PYGO1: variants seen among roughly 807,000 people sequenced by gnomAD.
The protein encoded by PYGO1 is pygopus homolog 1.
In PYGO1, 6 loss-of-function variants were observed where a neutral mutation model predicts 29.5. The observed-to-expected ratio is 0.20, with a 90% confidence interval of 0.11 to 0.40. The LOEUF (loss-of-function observed/expected upper bound fraction) is 0.40. PYGO1 is among the 10% of genes least tolerant of loss of function. The pLI is 1.00. For synonymous variants in PYGO1, 186 were observed against 180.5 expected (o/e 1.03, Z -0.24); for missense variants, 515 against 514.9 (o/e 1.00, Z 0.00).
chr15:55,562,481 G>A (rs919898410), intron 1 of PYGO1, among the ~76,000 whole-genome samples: 2 of 152,092 alleles, frequency 1.3e-5, no homozygotes, highest in African/African-American at 4.8e-5. Flanking sequence ...AGACCAACCT[G>A]GCCAACATGG....
chr15:55,549,263 C>T (rs1375182807), intron 1 of PYGO1, among the ~76,000 whole-genome samples: 2 of 152,124 alleles, frequency 1.3e-5, no homozygotes, highest in African/African-American at 4.8e-5. Flanking sequence ...AACTGGTTCC[C>T]TGTCTCAGAG....
intron 1 of PYGO1, among the ~76,000 whole-genome samples, chr15:55,562,705 G>A (rs1431191202): frequency 6.6e-6 from 1 of 151,608 alleles, no homozygotes; most frequent in Non-Finnish European, 1.5e-5. Flanking sequence ...CATATGTTCA[G>A]TGCAGCACTA....
At chr15:55,587,335 C>A (rs573036386) in intron 1 of PYGO1, among the ~76,000 whole-genome samples, 78 of 150,760 alleles carry the variant, frequency 5.2e-4, no homozygotes, top group African/African-American at 1.8e-3. Context: ...CCTCTTAAAC[C>A]TACGGAAAAT....
intron 1 of PYGO1, among the ~76,000 whole-genome samples, chr15:55,566,788 T>C (rs1040619327): frequency 6.6e-6 from 1 of 152,206 alleles, no homozygotes; most frequent in Non-Finnish European, 1.5e-5. Context: ...TGGAGTGCAG[T>C]GGCGTGATCA....
chr15:55,573,465 T>C (rs901941476), intron 1 of PYGO1, among the ~76,000 whole-genome samples: 2 of 152,190 alleles, frequency 1.3e-5, no homozygotes, highest in Admixed American at 6.6e-5. Flanking sequence ...AACTACTTTA[T>C]GATCCAGTAA....
chr15:55,540,252 AGAG>A lies in PYGO1; in HGVS notation c.*5768_*5770del, dbSNP rs1389352704. On this transcript the variant is annotated 3_prime_UTR_variant, in exon 3 of 3. Transcript: ENST00000563719. ...AATGGCTAAAAATTCCAGGTAAATT[AGAG>A]GAGTCTTACGGTATCTTAATCATGT... The A allele has an allele frequency of 6.6e-6, 1 of 152,086 alleles. No individual in the cohort carries two copies. Among genetic ancestry groups the A allele is most frequent in the Admixed American group, 6.5e-5 (1 of 15,270 alleles). The allele number at this position is 152,086 out of a possible 1,614,324, so 9.4% of individuals were successfully genotyped here. A position where few individuals can be genotyped will look rare whatever the true frequency, so the allele number is the denominator to read the frequency against.
intron 1 of PYGO1, among the ~76,000 whole-genome samples, chr15:55,561,508 A>C (rs1228793813): frequency 6.6e-6 from 1 of 152,178 alleles, no homozygotes; most frequent in Non-Finnish European, 1.5e-5. Flanking sequence ...GGAACTTGCC[A>C]AACACTTATA....
Position 55,545,874 on chromosome 15 carries a change from T to G in PYGO1, c.*149A>C. On this transcript the variant is annotated 3_prime_UTR_variant, in exon 3 of 3. Transcript: ENST00000563719. ...ACAGCAAGCAAAGACAATAAAAAAT[T>G]TGCTCTAGTGATGAAGTGATTAATA... 2 of 797,778 alleles carry G rather than the reference T, an allele frequency of 2.5e-6. No homozygotes were observed. The highest frequency in any genetic ancestry group is 3.8e-6 in the Non-Finnish European group (2 of 532,736). 49.4% of individuals were successfully genotyped at this position (797,778 alleles called of 1,614,324 possible). A position where few individuals can be genotyped will look rare whatever the true frequency, so the allele number is the denominator to read the frequency against.
chr15:55,539,642 G>C lies in PYGO1; in HGVS notation c.*6381C>G, dbSNP rs1179349628. The stretch of plus-strand genomic sequence containing the variant: ...TACTAAATTTTTAACATAAAATATA[G>C]AACTATGAAAATTTTGGGCATTCAA... On this transcript the variant is annotated 3_prime_UTR_variant, in exon 3 of 3. Transcript: ENST00000563719. 6.6e-6 allele frequency: 1 copy of C among 151,882 alleles called. No homozygotes were observed. The highest frequency in any genetic ancestry group is 1.5e-5 in the Non-Finnish European group (1 of 67,880). The allele number at this position is 151,882 out of a possible 1,614,324, so 9.4% of individuals were successfully genotyped here.
intron 1 of PYGO1, among the ~76,000 whole-genome samples, chr15:55,579,611 G>A (rs2059017754): frequency 6.6e-6 from 1 of 152,032 alleles, no homozygotes; most frequent in African/African-American, 2.4e-5. Context: ...GAATTCCTGG[G>A]TTCAAGCAAT....
At chr15:55,567,304 C>A (rs1001784141) in intron 1 of PYGO1, among the ~76,000 whole-genome samples, 1 of 138,892 alleles carries the variant, frequency 7.2e-6, no homozygotes, top group Non-Finnish European at 1.5e-5. Context: ...AACTCCTGGG[C>A]TCAAGAGATT....
At position 55,586,112 on chromosome 15, in the gene PYGO1, C is replaced by T. The variant is rs551904229; in HGVS notation, c.49+1723G>A. Among the ~76,000 whole-genome samples the T allele has an allele frequency of 2.0e-5, 3 of 152,286 alleles. No homozygotes were observed. The East Asian group carries it at 5.8e-4, about 29-fold the overall frequency. On this transcript the variant is annotated intron_variant, in intron 1 of 2. Transcript: ENST00000563719. ...GTTCTATACATGTTTAATTTCTAGT[C>T]ACATTGAACAAAAACAAAAATGAAT...
chr15:55,573,840 A>T (rs1206504262), intron 1 of PYGO1, among the ~76,000 whole-genome samples: 1 of 152,226 alleles, frequency 6.6e-6, no homozygotes, highest in African/African-American at 2.4e-5. Context: ...TTCTTACAAT[A>T]AAGTAGGCTA....
intron 1 of PYGO1, among the ~76,000 whole-genome samples, chr15:55,576,566 T>C (rs1319409405): frequency 1.4e-5 from 2 of 145,576 alleles, no homozygotes; most frequent in African/African-American, 2.6e-5. Flanking sequence ...AGGTCAGGAG[T>C]TTCAGACCAG....
rs2058824265 is a variant in PYGO1, at chr15:55,540,492, T to C, written c.*5531A>G. 6.6e-6 allele frequency: 1 copy of C among 152,110 alleles called. No homozygotes were observed. Among genetic ancestry groups the C allele is most frequent in the African/African-American group, 2.4e-5 (1 of 41,446 alleles). The allele number at this position is 152,110 out of a possible 1,614,324, so 9.4% of individuals were successfully genotyped here. On this transcript the variant is annotated 3_prime_UTR_variant, in exon 3 of 3. Coordinates refer to ENST00000563719, the MANE Select transcript of PYGO1 (RefSeq NM_001367806.1). ...TGGAAAATAAAAATTTTAAGATTTA[T>C]TGTATTACAAGTGTCATGAGTTGGT...
chr15:55,573,081 C>T (rs555359208), intron 1 of PYGO1, among the ~76,000 whole-genome samples: 522 of 150,114 alleles, frequency 3.5e-3, no homozygotes, highest in Non-Finnish European at 6.0e-3. Flanking sequence ...CTGAGGTGGG[C>T]GGATCACGAG....
At chr15:55,583,997 T>C (rs1023842622) in intron 1 of PYGO1, among the ~76,000 whole-genome samples, 1 of 152,196 alleles carries the variant, frequency 6.6e-6, no homozygotes, top group African/African-American at 2.4e-5. Context: ...AAAAGATGTG[T>C]TCCTTTATTT....
intron 2 of PYGO1, 83 bp from the exon 3 acceptor site, chr15:55,547,230 C>G (rs1196348139): frequency 2.5e-6 from 3 of 1,216,182 alleles, no homozygotes; most frequent in Admixed American, 5.7e-5. Context: ...TACCTGTGAA[C>G]CTAGTATTAG....
At position 55,579,197 on chromosome 15, in the gene PYGO1, T is replaced by G. The variant is rs185200803; in HGVS notation, c.49+8638A>C. 5.9e-5 allele frequency among the ~76,000 whole-genome samples: 9 copies of G among 152,204 alleles called. No individual in the cohort carries two copies. In the East Asian group the frequency reaches 1.7e-3, roughly 29 times the overall value. On this transcript the variant is annotated intron_variant, in intron 1 of 2. Coordinates refer to ENST00000563719, the MANE Select transcript of PYGO1 (RefSeq NM_001367806.1). Reference sequence around the variant, plus strand: ...AAATGATGATTGCAGATTAATAATTTGCATGCAGTTTTTCTATAACACCAT... The same window carrying G: ...AAATGATGATTGCAGATTAATAATTGGCATGCAGTTTTTCTATAACACCAT...
Sources: allele counts gnomAD v4.1 joint callset (sites outside exome capture counted in the v4.1 genomes callset), GRCh38; gene constraint gnomAD v4.1.1; transcripts MANE v1.5; gene names NCBI Gene and HGNC (gene_info 2026-07-23, HGNC 2026-07-21).